Variants in TUNAR observed in about 807,000 individuals in gnomAD.
TUNAR encodes the protein transmembrane neural differentiation associated intracellular calcium regulator.
chr14:95,904,022 A>G (rs1488633791), intron 2 of TUNAR, among the ~76,000 whole-genome samples: 1 of 152,260 alleles, frequency 6.6e-6, no homozygotes. Context: ...CTCTCACCCA[A>G]GGGGAGGGAA....
intron 2 of TUNAR, among the ~76,000 whole-genome samples, chr14:95,889,328 C>T (rs1012993629): frequency 6.6e-6 from 1 of 152,210 alleles, no homozygotes; most frequent in Admixed American, 6.5e-5. Context: ...AAAAGATTTT[C>T]TTCTACCCAG....
intron 2 of TUNAR, among the ~76,000 whole-genome samples, chr14:95,904,772 C>T (rs969048614): frequency 2.6e-5 from 4 of 152,188 alleles, no homozygotes; most frequent in African/African-American, 9.7e-5. Context: ...AGAGAAAAGT[C>T]CAGGAGGTGG....
At chr14:95,885,132 C>T (rs1595115209) in intron 2 of TUNAR, among the ~76,000 whole-genome samples, 1 of 152,186 alleles carries the variant, frequency 6.6e-6, no homozygotes, top group Non-Finnish European at 1.5e-5. Flanking sequence ...CCAGCCTGCC[C>T]AGCAGTGCAA....
chr14:95,891,521 G>C (rs980655677), intron 2 of TUNAR, among the ~76,000 whole-genome samples: 22 of 152,202 alleles, frequency 1.4e-4, no homozygotes, highest in African/African-American at 5.3e-4. Context: ...TGAGGAAAAA[G>C]GCTCAGACAC....
At chr14:95,913,277 C>T (rs59553813) in intron 2 of TUNAR, among the ~76,000 whole-genome samples, 5,137 of 151,958 alleles carry the variant, frequency 0.034, 286 homozygotes, top group African/African-American at 0.12. Flanking sequence ...TTTTAAGCCC[C>T]GCATGCATTG....
At chr14:95,900,858 A>G (rs1889342034) in intron 2 of TUNAR, among the ~76,000 whole-genome samples, 1 of 152,196 alleles carries the variant, frequency 6.6e-6, no homozygotes, top group South Asian at 2.1e-4. Context: ...CCACATCGCC[A>G]TTTTGTGGAC....
chr14:95,904,788 C>T (rs58622873), intron 2 of TUNAR, among the ~76,000 whole-genome samples: 1 of 152,200 alleles, frequency 6.6e-6, no homozygotes, highest in Non-Finnish European at 1.5e-5. Flanking sequence ...GGTGGAGGGG[C>T]TGCCCGGGCT....
At chr14:95,907,322 G>A (rs1176675435) in intron 2 of TUNAR, among the ~76,000 whole-genome samples, 1 of 152,226 alleles carries the variant, frequency 6.6e-6, no homozygotes, top group East Asian at 1.9e-4. Context: ...AAGAAATGGA[G>A]TTGCACAGTT....
rs529067262 is a variant in TUNAR at position 95,888,911 on chromosome 14, C to T, written c.12+11734C>T. ...CTTAGGTGACTTACACAAGGTAGACCGTTGCAAGGCAGCAGAGTGGGGTGT... is the reference window on the plus strand; with the variant it reads ...CTTAGGTGACTTACACAAGGTAGACTGTTGCAAGGCAGCAGAGTGGGGTGT... On this transcript the variant is annotated intron_variant, in intron 2 of 2. Coordinates refer to ENST00000678517, the Ensembl canonical transcript of TUNAR. Among the ~76,000 whole-genome samples the T allele has an allele frequency of 5.9e-5, 9 of 152,252 alleles. No individual in the cohort carries two copies. The East Asian group carries it at 7.7e-4, about 13-fold the overall frequency.
rs113644491 is a variant in TUNAR at position 95,915,194 on chromosome 14, T to G, written c.13-7587T>G. ...ACCTTGAATACCCCTTCTGTACAAG[T>G]AAAAGCTCTGGTTGCATGCAACAGA... On this transcript the variant is annotated intron_variant, in intron 2 of 2. Transcript: ENST00000678517. Among the ~76,000 whole-genome samples, 365 of 152,266 alleles carry G rather than the reference T, an allele frequency of 2.4e-3. 2 individuals carry two copies. Among genetic ancestry groups the G allele is most frequent in the African/African-American group, 8.4e-3 (350 of 41,556 alleles).
At chr14:95,921,984 C>A (rs958731514) in intron 2 of TUNAR, among the ~76,000 whole-genome samples, 1 of 152,168 alleles carries the variant, frequency 6.6e-6, no homozygotes, top group Non-Finnish European at 1.5e-5. Context: ...GCTCTCCTCT[C>A]GGTGCATATC....
At chr14:95,888,766 C>G (rs1351446267) in intron 2 of TUNAR, among the ~76,000 whole-genome samples, 1 of 152,116 alleles carries the variant, frequency 6.6e-6, no homozygotes, top group Admixed American at 6.5e-5. Context: ...CCGGCATGTC[C>G]TTAGAAGCAA....
chr14:95,879,659 CATCGAGA>C (rs1888946229), intron 2 of TUNAR, among the ~76,000 whole-genome samples: 3 of 151,346 alleles, frequency 2.0e-5, no homozygotes, highest in Non-Finnish European at 4.4e-5. Context: ...GAAAATAAGC[CATCGAGA>C]ATAAATTCTT....
At chr14:95,923,527 T>C (rs1252095733) in exon 3 of TUNAR, 1 of 152,190 alleles carries the variant, frequency 6.6e-6, no homozygotes, top group African/African-American at 2.4e-5. Flanking sequence ...CATGTCAAGG[T>C]TTATAAATAT....
exon 3 of TUNAR, chr14:95,922,960 C>G (rs61734413): frequency 0.012 from 4,903 of 398,986 alleles, 41 homozygotes; most frequent in Non-Finnish European, 0.014. Flanking sequence ...TATACACCAC[C>G]CTGTGAATGG....
At chr14:95,893,879 G>A (rs1462331274) in intron 2 of TUNAR, among the ~76,000 whole-genome samples, 2 of 152,214 alleles carry the variant, frequency 1.3e-5, no homozygotes, top group African/African-American at 4.8e-5. Context: ...GCACTATGTG[G>A]GCACATGCCC....
chr14:95,908,339 G>T (rs1889457226), intron 2 of TUNAR, among the ~76,000 whole-genome samples: 1 of 152,234 alleles, frequency 6.6e-6, no homozygotes, highest in Non-Finnish European at 1.5e-5. Context: ...CACCCAGTGG[G>T]GTGGGGCTCC....
chr14:95,893,569 C>T (rs1025239481), intron 2 of TUNAR, among the ~76,000 whole-genome samples: 1 of 151,304 alleles, frequency 6.6e-6, no homozygotes, highest in African/African-American at 2.4e-5. Context: ...ACCATGGATC[C>T]CCCCCACCCC....
In TUNAR at chr14:95,914,936, G is replaced by A. The variant is rs1204822221; in HGVS notation, c.13-7845G>A. ...TCAAAAACCGTGGTGCTCCCTTGCAGAGGATAACAAGGACTTGCTTTTGTT... is the reference window on the plus strand; with the variant it reads ...TCAAAAACCGTGGTGCTCCCTTGCAAAGGATAACAAGGACTTGCTTTTGTT... On this transcript the variant is annotated intron_variant, in intron 2 of 2. Coordinates refer to ENST00000678517, the Ensembl canonical transcript of TUNAR. Among the ~76,000 whole-genome samples the A allele has an allele frequency of 3.9e-5, 6 of 152,338 alleles. No individual in the cohort carries two copies. The East Asian group carries it at 7.7e-4, about 20-fold the overall frequency.
Sources: gnomAD v4.1 joint callset for allele counts (sites outside exome capture counted in the v4.1 genomes callset) on GRCh38, gnomAD v4.1.1 for gene constraint, MANE v1.5 for transcripts, NCBI Gene and HGNC (gene_info 2026-07-23, HGNC 2026-07-21) for gene names.